Variants in GATAD2A observed in about 807,000 individuals in gnomAD.
GATAD2A encodes GATA zinc finger domain containing 2A.
Under a neutral mutation model 68.5 loss-of-function variants are expected in GATAD2A, and 12 were observed. The observed-to-expected ratio is 0.18, with a 90% CI of 0.11 to 0.28. The LOEUF is 0.28. Ranked by LOEUF, GATAD2A falls within the 10% of genes least tolerant of loss-of-function variation. The probability of loss-of-function intolerance (pLI) is 1.00; values close to 1 mark genes in which losing one functional copy is unlikely to be tolerated. For missense variants in GATAD2A, 755 were observed against 868.5 expected, an observed-to-expected ratio of 0.87 and a Z score of 1.64; for synonymous variants, 410 against 375.3, an observed-to-expected ratio of 1.09 and a Z score of -1.07.
intron 2 of GATAD2A, among the ~76,000 whole-genome samples, chr19:19,491,307 C>A (rs942292852): frequency 2.0e-5 from 3 of 152,212 alleles, no homozygotes; most frequent in Admixed American, 6.5e-5. Context: ...CCCCGATTGT[C>A]CCCTGGTGCT....
intron 2 of GATAD2A, among the ~76,000 whole-genome samples, chr19:19,471,421 C>A (rs951449092): frequency 1.3e-5 from 2 of 151,300 alleles, no homozygotes; most frequent in Admixed American, 1.3e-4. Flanking sequence ...GATGCAGGGA[C>A]TACTTGTTGT....
intron 2 of GATAD2A, among the ~76,000 whole-genome samples, chr19:19,476,486 A>G (rs907945898): frequency 6.6e-6 from 1 of 151,888 alleles, no homozygotes; most frequent in Non-Finnish European, 1.5e-5. Context: ...TCTGACCAGC[A>G]CTCCGCTGTG....
At chr19:19,439,479 A>G (rs1271626281) in intron 1 of GATAD2A, among the ~76,000 whole-genome samples, 4 of 151,938 alleles carry the variant, frequency 2.6e-5, no homozygotes, top group African/African-American at 9.7e-5. Context: ...TGTTCTAGTG[A>G]TGGGAGTCAG....
intron 1 of GATAD2A, among the ~76,000 whole-genome samples, chr19:19,387,656 G>T (rs1369051550): frequency 1.3e-5 from 2 of 151,912 alleles, no homozygotes; most frequent in Non-Finnish European, 2.9e-5. Context: ...TCCTGAGGGG[G>T]TCCCCCACTT....
chr19:19,446,652 T>C (rs2055759459), intron 1 of GATAD2A, among the ~76,000 whole-genome samples: 1 of 152,238 alleles, frequency 6.6e-6, no homozygotes, highest in Non-Finnish European at 1.5e-5. Context: ...TTTTATGGAT[T>C]TAGCTCCTAA....
intron 11 of GATAD2A, among the ~76,000 whole-genome samples, chr19:19,504,496 T>C (rs2060752293): frequency 6.6e-6 from 1 of 151,916 alleles, no homozygotes; most frequent in Non-Finnish European, 1.5e-5. Flanking sequence ...ACTGGACGCA[T>C]TAAAATTTGA....
At chr19:19,426,027 A>G (rs1433734456) in intron 1 of GATAD2A, among the ~76,000 whole-genome samples, 2 of 152,068 alleles carry the variant, frequency 1.3e-5, no homozygotes, top group East Asian at 1.9e-4. Context: ...AGCTCACGCA[A>G]TCCATCCACC....
chr19:19,431,180 C>T (rs1296990066), intron 1 of GATAD2A, among the ~76,000 whole-genome samples: 2 of 151,604 alleles, frequency 1.3e-5, no homozygotes, highest in Non-Finnish European at 2.9e-5. Flanking sequence ...TCAGCCAGTA[C>T]GGGGTGGATG....
rs1782301321 is a variant in GATAD2A at position 19,440,892 on chromosome 19, T to G, written c.-6-24448T>G. 2.0e-5 allele frequency among the ~76,000 whole-genome samples: 3 copies of G among 151,942 alleles called. No individual in the cohort carries two copies. The South Asian group carries it at 6.2e-4, about 32-fold the overall frequency. ...ATAAAGGTAAACAAATTTATTTCCTTCTTTCCTTCCCTTCCTTTCCTTCCT... is the reference window on the plus strand; with the variant it reads ...ATAAAGGTAAACAAATTTATTTCCTGCTTTCCTTCCCTTCCTTTCCTTCCT... On this transcript the variant is annotated intron_variant, in intron 1 of 11. Transcript: ENST00000683918.
intron 2 of GATAD2A, among the ~76,000 whole-genome samples, chr19:19,470,425 TGCCCAGCTGCGACATTTCA>T (rs1460588674): frequency 6.6e-6 from 1 of 152,162 alleles, no homozygotes; most frequent in Non-Finnish European, 1.5e-5. Flanking sequence ...TGAGCCACTG[TGCCCAGCTGCGACATTTCA>T]TATGATATTT....
In GATAD2A at chr19:19,484,176, T is replaced by C. The variant is rs145828578; in HGVS notation, c.270-8130T>C. Among the ~76,000 whole-genome samples, 802 of 152,272 alleles carry C rather than the reference T, an allele frequency of 5.3e-3. 6 individuals carry two copies. Among genetic ancestry groups the C allele is most frequent in the South Asian group, 0.041 (196 of 4,822 alleles). On this transcript the variant is annotated intron_variant, in intron 2 of 11. Coordinates refer to ENST00000683918, the MANE Select transcript of GATAD2A (RefSeq NM_001384528.1). Reference sequence around the variant, plus strand: ...CTGGGCAACACAGCGAGACCCCACCTGTACAAAAACTTTAAAAATGCAGTG... The same window carrying C: ...CTGGGCAACACAGCGAGACCCCACCCGTACAAAAACTTTAAAAATGCAGTG...
intron 1 of GATAD2A, among the ~76,000 whole-genome samples, chr19:19,408,724 A>G (rs1250103374): frequency 6.6e-6 from 1 of 152,230 alleles, no homozygotes; most frequent in Non-Finnish European, 1.5e-5. Context: ...ATCCCTCCTC[A>G]GTAGAGTTTA....
intron 2 of GATAD2A, among the ~76,000 whole-genome samples, chr19:19,484,243 T>C (rs986434168): frequency 9.2e-5 from 14 of 151,764 alleles, no homozygotes; most frequent in Non-Finnish European, 2.9e-5. Flanking sequence ...GGCAACAGAG[T>C]GAGAGACCCT....
At chr19:19,453,683 T>A (rs554475689) in intron 1 of GATAD2A, among the ~76,000 whole-genome samples, 13 of 149,914 alleles carry the variant, frequency 8.7e-5, no homozygotes, top group African/African-American at 2.7e-4. Flanking sequence ...TTTTAAAATT[T>A]TTTTTTTTTT....
At position 19,436,185 on chromosome 19, in the gene GATAD2A, A is replaced by G. The variant is rs553143128; in HGVS notation, c.-6-29155A>G. 9 of 1,366,318 alleles carry G rather than the reference A, an allele frequency of 6.6e-6. No individual in the cohort carries two copies. In the African/African-American group the frequency reaches 1.3e-4, roughly 20 times the overall value. 84.6% of individuals were successfully genotyped at this position (1,366,318 alleles called of 1,614,324 possible). On this transcript the variant is annotated intron_variant, in intron 1 of 11. Transcript: ENST00000683918. ...TTTGATGTCACTGTGGCCATGGCCA[A>G]CTGGTAGGACCAGCACCCCATACCC...
In GATAD2A at chr19:19,496,151, A is replaced by ATCATCCAGCAGGGCC; in HGVS notation, c.863_877dup (p.Gln288_Ile292dup). 4 of 1,613,784 alleles carry ATCATCCAGCAGGGCC rather than the reference A, an allele frequency of 2.5e-6. No homozygotes were observed. The highest frequency in any genetic ancestry group is 3.4e-6 in the Non-Finnish European group (4 of 1,179,974). On this transcript the variant is annotated inframe_insertion, in exon 7 of 12. Coordinates refer to ENST00000683918, the MANE Select transcript of GATAD2A (RefSeq NM_001384528.1). ...CAGTGTGCAGATTCAGGGACAGAGG[A>ATCATCCAGCAGGGCC]TCATCCAGCAGGGCCTCATCCGCGT...
chr19:19,438,417 C>T (rs78261965), intron 1 of GATAD2A, among the ~76,000 whole-genome samples: 2,477 of 152,284 alleles, frequency 0.016, 81 homozygotes, highest in South Asian at 0.085. Flanking sequence ...TTGAGCTCAC[C>T]CCCTTTGTTG....
chr19:19,439,443 G>C (rs1389570051), intron 1 of GATAD2A, among the ~76,000 whole-genome samples: 3 of 152,092 alleles, frequency 2.0e-5, no homozygotes, highest in African/African-American at 7.2e-5. Context: ...GACATTTCTG[G>C]GTTGGCAAGC....
At chr19:19,456,925 G>C (rs1329535881) in intron 1 of GATAD2A, among the ~76,000 whole-genome samples, 1 of 152,224 alleles carries the variant, frequency 6.6e-6, no homozygotes, top group Non-Finnish European at 1.5e-5. Flanking sequence ...CTTACAGGTG[G>C]TTGTGGGGTA....
Sources: allele counts gnomAD v4.1 joint callset (sites outside exome capture counted in the v4.1 genomes callset), GRCh38; gene constraint gnomAD v4.1.1; transcripts MANE v1.5; gene names NCBI Gene and HGNC (gene_info 2026-07-23, HGNC 2026-07-21).